Variants in UBE2E2 observed in about 807,000 individuals in gnomAD.
UBE2E2 encodes ubiquitin-conjugating enzyme E2 E2.
Under a neutral mutation model 24.7 loss-of-function variants are expected in UBE2E2, and 6 were observed. The ratio of observed to expected loss-of-function variants is 0.24; its 90% CI spans 0.13 to 0.48. The LOEUF is 0.48. Ranked by LOEUF, UBE2E2 falls within the 20% of genes least tolerant of loss-of-function variation. UBE2E2 has a pLI of 0.99. For synonymous variants in UBE2E2, 104 were observed against 83.6 expected (o/e 1.24, Z -1.33); for missense variants, 169 against 245.0 (o/e 0.69, Z 2.07).
At chr3:23,344,775 G>A (rs1389436339) in intron 3 of UBE2E2, among the ~76,000 whole-genome samples, 1 of 151,148 alleles carries the variant, frequency 6.6e-6, no homozygotes, top group Admixed American at 6.6e-5. Context: ...GGAAGGCTGA[G>A]ATGGGAGGAT....
chr3:23,504,379 T>A (rs1473179004), intron 4 of UBE2E2, among the ~76,000 whole-genome samples: 4 of 152,230 alleles, frequency 2.6e-5, no homozygotes, highest in Non-Finnish European at 5.9e-5. Flanking sequence ...TCTGTTATAA[T>A]CAGTGATGTG....
At chr3:23,410,899 G>A (rs1186404407) in intron 3 of UBE2E2, among the ~76,000 whole-genome samples, 6 of 152,000 alleles carry the variant, frequency 3.9e-5, no homozygotes, top group Non-Finnish European at 7.4e-5. Context: ...GAAGCAAAAC[G>A]CTTGAAAAAC....
intron 1 of UBE2E2, among the ~76,000 whole-genome samples, chr3:23,207,398 C>G (rs1270664495): frequency 1.3e-5 from 2 of 151,212 alleles, no homozygotes; most frequent in African/African-American, 4.9e-5. Context: ...AATTTGAAAG[C>G]CTTGAGGGAT....
chr3:23,462,553 C>T (rs1176207726), intron 3 of UBE2E2, among the ~76,000 whole-genome samples: 5 of 152,120 alleles, frequency 3.3e-5, no homozygotes, highest in Non-Finnish European at 7.3e-5. Flanking sequence ...AGTCCTTTCC[C>T]TACTCCTCTT....
At chr3:23,486,219 G>A (rs1001559863) in intron 3 of UBE2E2, among the ~76,000 whole-genome samples, 4 of 152,208 alleles carry the variant, frequency 2.6e-5, no homozygotes, top group Non-Finnish European at 4.4e-5. Context: ...CAGTGGCAGG[G>A]AAGGCAGCTA....
intron 3 of UBE2E2, among the ~76,000 whole-genome samples, chr3:23,344,971 C>G (rs1575574577): frequency 6.6e-6 from 1 of 151,856 alleles, no homozygotes; most frequent in African/African-American, 2.4e-5. Context: ...ATCCTCAATT[C>G]CATTGTGGAC....
intron 3 of UBE2E2, among the ~76,000 whole-genome samples, chr3:23,451,913 A>AT (rs1698569675): frequency 6.6e-6 from 1 of 152,174 alleles, no homozygotes; most frequent in Admixed American, 6.5e-5. Flanking sequence ...ATAAAGATAA[A>AT]TTTTTATCAT....
intron 3 of UBE2E2, among the ~76,000 whole-genome samples, chr3:23,233,821 A>G (rs1486086840): frequency 6.6e-6 from 1 of 152,222 alleles, no homozygotes; most frequent in Non-Finnish European, 1.5e-5. Context: ...GAAAATATGT[A>G]GTATTTAAAA....
At chr3:23,359,080 G>A (rs71322172) in intron 3 of UBE2E2, among the ~76,000 whole-genome samples, 10,764 of 152,124 alleles carry the variant, frequency 0.071, 499 homozygotes, top group Non-Finnish European at 0.088. Context: ...TGCCGTTTTT[G>A]ACTATTCAAC....
intron 3 of UBE2E2, among the ~76,000 whole-genome samples, chr3:23,333,592 A>G (rs17013026): frequency 0.029 from 4,446 of 152,236 alleles, 117 homozygotes; most frequent in East Asian, 0.13. Context: ...TTAAGACCCT[A>G]CAAAGCTTTC....
At chr3:23,377,264 G>A (rs1331160496) in intron 3 of UBE2E2, among the ~76,000 whole-genome samples, 1 of 152,076 alleles carries the variant, frequency 6.6e-6, no homozygotes, top group African/African-American at 2.4e-5. Context: ...TGATAAAATT[G>A]TCTCATTTAG....
rs911286936 is a variant in UBE2E2 at position 23,203,390 on chromosome 3, C to T, written c.-83C>T. 1.0e-6 allele frequency: 1 copy of T among 985,636 alleles called. No homozygotes were observed. Among genetic ancestry groups the T allele is most frequent in the South Asian group, 4.7e-5 (1 of 21,414 alleles). The allele number at this position is 985,636 out of a possible 1,614,324, so 61.1% of individuals were successfully genotyped here. ...TCCCTGGGGCCTCCCCAGTCTCCCT[C>T]CCCCTCGCGCCTGGGCAGCTCTCTC... On this transcript the variant is annotated 5_prime_UTR_variant, in exon 1 of 6. Coordinates refer to ENST00000396703, the MANE Select transcript of UBE2E2 (RefSeq NM_152653.4).
chr3:23,398,645 ATACTT>A (rs1265045163), intron 3 of UBE2E2, among the ~76,000 whole-genome samples: 8 of 152,324 alleles, frequency 5.3e-5, no homozygotes, highest in African/African-American at 1.7e-4. Flanking sequence ...TGTCAAAATG[ATACTT>A]TACTTAGGTA....
At chr3:23,319,583 C>T (rs765769034) in intron 3 of UBE2E2, among the ~76,000 whole-genome samples, 2 of 152,038 alleles carry the variant, frequency 1.3e-5, no homozygotes, top group Non-Finnish European at 2.9e-5. Flanking sequence ...GTAATCTCAG[C>T]AGGCAGATCA....
chr3:23,422,923 T>C (rs1422380552), intron 3 of UBE2E2, among the ~76,000 whole-genome samples: 1 of 152,190 alleles, frequency 6.6e-6, no homozygotes, highest in Non-Finnish European at 1.5e-5. Context: ...CCTGTTCAGC[T>C]CTTCTCCATA....
At chr3:23,363,978 A>T (rs144157224) in intron 3 of UBE2E2, among the ~76,000 whole-genome samples, 2 of 152,144 alleles carry the variant, frequency 1.3e-5, no homozygotes, top group Non-Finnish European at 2.9e-5. Context: ...ATAGAAATCA[A>T]TACTAAGAAA....
chr3:23,415,668 G>T (rs1697606122), intron 3 of UBE2E2, among the ~76,000 whole-genome samples: 1 of 152,012 alleles, frequency 6.6e-6, no homozygotes. Flanking sequence ...GGATTATAAT[G>T]GTTTGGAATT....
chr3:23,288,583 A>G (rs932742278), intron 3 of UBE2E2, among the ~76,000 whole-genome samples: 1 of 152,164 alleles, frequency 6.6e-6, no homozygotes, highest in Admixed American at 6.5e-5. Context: ...TGCTGTATAT[A>G]TCTGGGTGCT....
rs948652740 is a variant in UBE2E2 at position 23,421,113 on chromosome 3, C to T, written c.228-78495C>T. 3.3e-5 allele frequency among the ~76,000 whole-genome samples: 5 copies of T among 152,336 alleles called. No homozygotes were observed. In the East Asian group the frequency reaches 9.6e-4, roughly 29 times the overall value. On this transcript the variant is annotated intron_variant, in intron 3 of 5. Coordinates refer to ENST00000396703, the MANE Select transcript of UBE2E2 (RefSeq NM_152653.4). ...ACTGTGTGCACTAGTAGTGCTTAGG[C>T]ATCTTGTAAGGATTGTTGTGCAGGG...
Sources: gnomAD v4.1 joint callset for allele counts (sites outside exome capture counted in the v4.1 genomes callset) on GRCh38, gnomAD v4.1.1 for gene constraint, MANE v1.5 for transcripts, NCBI Gene and HGNC (gene_info 2026-07-23, HGNC 2026-07-21) for gene names.